The following TRIP4 variants were observed in gnomAD, a reference collection of about 807,000 sequenced individuals.
The protein encoded by TRIP4 is activating signal cointegrator 1.
A neutral mutation model predicts 81.8 loss-of-function variants in TRIP4; 54 were observed. The ratio of observed to expected loss-of-function variants is 0.66; its 90% CI spans 0.53 to 0.83. The LOEUF (loss-of-function observed/expected upper bound fraction) is 0.83, where lower values mean the gene tolerates loss of function less well. Ranked by LOEUF, TRIP4 falls within the 40% of genes least tolerant of loss-of-function variation. TRIP4 has a pLI of 0.00. For missense variants in TRIP4, 662 were observed against 683.6 expected (o/e 0.97, Z 0.35); for synonymous variants, 270 against 242.8 (o/e 1.11, Z -1.04).
intron 3 of TRIP4, 123 bp from the exon 4 acceptor site, chr15:64,397,483 G>C (rs1455848082): frequency 1.1e-6 from 1 of 900,982 alleles, no homozygotes; most frequent in Non-Finnish European, 1.6e-6. Flanking sequence ...TCCTTTCACT[G>C]CCTTCTTTCT....
intron 5 of TRIP4, among the ~76,000 whole-genome samples, chr15:64,404,466 G>T (rs548722332): frequency 2.7e-5 from 4 of 146,656 alleles, no homozygotes; most frequent in African/African-American, 1.0e-4. Context: ...GATTGCGGGC[G>T]CCTGCCACCA....
At chr15:64,407,368 A>G (rs1891651227) in intron 6 of TRIP4, among the ~76,000 whole-genome samples, 1 of 152,096 alleles carries the variant, frequency 6.6e-6, no homozygotes, top group Non-Finnish European at 1.5e-5. Flanking sequence ...AGAACGTATT[A>G]TTAGAAATAG....
At position 64,400,726 on chromosome 15, in the gene TRIP4, C is replaced by T. The variant is rs1456529514; in HGVS notation, c.619-17C>T. ...TTTAACTGTTGGATCACATGTCTTA[C>T]TCTTACTATTTTACAGGTGTGTACT... On this transcript the variant is annotated splice_polypyrimidine_tract_variant and intron_variant, in intron 4 of 12. Transcript: ENST00000261884. 6 of 1,605,060 alleles carry T rather than the reference C, an allele frequency of 3.7e-6. No individual in the cohort carries two copies. Among genetic ancestry groups the T allele is most frequent in the South Asian group, 1.1e-5 (1 of 90,848 alleles).
chr15:64,416,992 A>G (rs1055806618), intron 8 of TRIP4, among the ~76,000 whole-genome samples: 4 of 152,058 alleles, frequency 2.6e-5, no homozygotes, highest in African/African-American at 4.8e-5. Context: ...GTTTTTTCCT[A>G]TAAGTTATTT....
intron 1 of TRIP4, among the ~76,000 whole-genome samples, chr15:64,388,774 T>A (rs1900030020): frequency 6.6e-6 from 1 of 152,236 alleles, no homozygotes; most frequent in Admixed American, 6.5e-5. Flanking sequence ...TTTACCTGTT[T>A]TAGAACCCAG....
intron 12 of TRIP4, among the ~76,000 whole-genome samples, chr15:64,449,280 G>GT (rs1892700629): frequency 6.8e-6 from 1 of 147,980 alleles, no homozygotes; most frequent in African/African-American, 2.5e-5. Context: ...TGTTTTTTTT[G>GT]TTTGTTTTTG....
intron 1 of TRIP4, among the ~76,000 whole-genome samples, chr15:64,391,192 T>G (rs1900117610): frequency 6.6e-6 from 1 of 151,982 alleles, no homozygotes; most frequent in Non-Finnish European, 1.5e-5. Context: ...AGTCTCACTC[T>G]GTCGCCCAGG....
intron 7 of TRIP4, among the ~76,000 whole-genome samples, chr15:64,412,947 A>G (rs1891800749): frequency 6.6e-6 from 1 of 152,190 alleles, no homozygotes; most frequent in Non-Finnish European, 1.5e-5. Flanking sequence ...ATGGGATAAC[A>G]GGGGATGTAT....
At chr15:64,404,139 G>A (rs944513199) in intron 5 of TRIP4, among the ~76,000 whole-genome samples, 6 of 151,554 alleles carry the variant, frequency 4.0e-5, no homozygotes, top group Non-Finnish European at 8.8e-5. Flanking sequence ...GCAGTGAGCC[G>A]AGATTGCACC....
intron 6 of TRIP4, among the ~76,000 whole-genome samples, chr15:64,407,239 A>G (rs957512185): frequency 6.6e-6 from 1 of 152,182 alleles, no homozygotes; most frequent in African/African-American, 2.4e-5. Flanking sequence ...CTTCCAAACC[A>G]TTTGCTATGA....
At position 64,397,672 on chromosome 15, in the gene TRIP4, C is replaced by T; in HGVS notation, c.472C>T (p.Gln158Ter). 1.2e-6 allele frequency: 2 copies of T among 1,614,204 alleles called. No individual in the cohort carries two copies. The highest frequency in any genetic ancestry group is 1.3e-5 in the African/African-American group (1 of 75,044). ...KFVNLYTREG[Q>*]DRLAVLLPGR... Reference sequence around the variant, plus strand: ...TGTCAATTTATACACAAGAGAGGGACAGGACAGGCTTGCAGTCCTGCTCCC... The same window carrying T: ...TGTCAATTTATACACAAGAGAGGGATAGGACAGGCTTGCAGTCCTGCTCCC... The change falls in exon 4 of 13, where the codon CAG (glutamine) becomes TAG (stop). Residue 158 changes from glutamine (Q) to a stop codon, truncating the protein, a stop_gained. Transcript: ENST00000261884. LOFTEE classifies it high-confidence loss of function.
intron 11 of TRIP4, among the ~76,000 whole-genome samples, chr15:64,439,602 C>A (rs899283858): frequency 3.2e-5 from 4 of 125,200 alleles, no homozygotes; most frequent in African/African-American, 1.2e-4. Flanking sequence ...TGGCTCACTG[C>A]AACCTCCACC....
chr15:64,448,098 G>C (rs1403695583), intron 12 of TRIP4, among the ~76,000 whole-genome samples: 2 of 152,092 alleles, frequency 1.3e-5, no homozygotes, highest in Admixed American at 6.6e-5. Context: ...CTAGGTACTG[G>C]TGGCAACACT....
At chr15:64,391,733 G>A (rs1453609517) in intron 1 of TRIP4, among the ~76,000 whole-genome samples, 1 of 151,788 alleles carries the variant, frequency 6.6e-6, no homozygotes, top group African/African-American at 2.4e-5. Flanking sequence ...ACTTTGGGAG[G>A]CTGAGGTGGG....
rs760447338 is a variant in TRIP4, at chr15:64,424,129, C to CTACA, written c.1460_1463dup (p.Arg489IlefsTer13). On this transcript the variant is annotated frameshift_variant, in exon 10 of 13. Transcript: ENST00000261884. LOFTEE classifies it high-confidence loss of function. ...CCTCAAGAAGTCTCAGAACTCCAGG[C>CTACA]TACATATCGTCTTCTTCGTGGGAAA... 3.1e-6 allele frequency: 5 copies of CTACA among 1,614,064 alleles called. No homozygotes were observed. The Admixed American group carries it at 8.3e-5, about 27-fold the overall frequency.
chr15:64,445,157 G>A, intron 12 of TRIP4, 49 bp downstream of exon 12: 1 of 1,015,350 alleles, frequency 9.8e-7, no homozygotes, highest in Non-Finnish European at 1.5e-6. Flanking sequence ...CAGTAGTAAG[G>A]AATGGGGAAA....
In TRIP4 at chr15:64,414,179, G is replaced by A. The variant is rs146085855; in HGVS notation, c.1138G>A (p.Val380Ile). The A allele has an allele frequency of 1.9e-6, 3 of 1,614,066 alleles. No individual in the cohort carries two copies. Among genetic ancestry groups the A allele is most frequent in the Admixed American group, 3.3e-5 (2 of 59,998 alleles). The change falls in exon 8 of 13, where the codon GTA becomes ATA. Residue 380 changes from valine (V) to isoleucine (I), a missense_variant. Transcript: ENST00000261884. ...TTCTGAAGAGCCTTTGGGAGTTCTG[G>A]TAAATCCCAACATGTACCAGTCCCC... is the stretch of plus-strand genomic sequence containing the variant. ...RSSEEPLGVL[V>I]NPNMYQSPPQ... is the part of the protein sequence containing the mutation.
chr15:64,439,713 G>A (rs1262689664), intron 11 of TRIP4, among the ~76,000 whole-genome samples: 1 of 151,362 alleles, frequency 6.6e-6, no homozygotes, highest in African/African-American at 2.4e-5. Flanking sequence ...TAGTAGAAAC[G>A]GGGTTTCACC....
At chr15:64,442,263 G>C (rs150714512) in intron 11 of TRIP4, among the ~76,000 whole-genome samples, 1 of 152,044 alleles carries the variant, frequency 6.6e-6, no homozygotes, top group African/African-American at 2.4e-5. Context: ...GTTAAGGGCA[G>C]AAACAGACCA....
Sources: allele counts gnomAD v4.1 joint callset (sites outside exome capture counted in the v4.1 genomes callset), GRCh38; gene constraint gnomAD v4.1.1; transcripts MANE v1.5; gene names NCBI Gene and HGNC (gene_info 2026-07-23, HGNC 2026-07-21).